The following RASGRP1 variants were observed in gnomAD, a reference collection of about 807,000 sequenced individuals.
RASGRP1 encodes the protein RAS guanyl releasing protein 1, also known as RAS guanyl-releasing protein 1.
In RASGRP1, 37 loss-of-function variants were observed where a neutral mutation model predicts 95.1. That is an observed-to-expected ratio of 0.39 (90% CI 0.30 to 0.51). The LOEUF is 0.51. Ranked by LOEUF, RASGRP1 falls within the 20% of genes least tolerant of loss-of-function variation. The pLI is 0.80. For synonymous variants in RASGRP1, 325 were observed against 353.4 expected (o/e 0.92, Z 0.90); for missense variants, 711 against 965.4 (o/e 0.74, Z 3.49).
At chr15:38,559,769 C>A (rs754482334) in intron 2 of RASGRP1, 52 bp downstream of exon 2, 7 of 1,537,188 alleles carry the variant, frequency 4.6e-6, no homozygotes, top group Non-Finnish European at 6.2e-6. Context: ...TTTTAAAGGA[C>A]GAACAAAGTA....
intron 9 of RASGRP1, among the ~76,000 whole-genome samples, 164 bp downstream of exon 9, chr15:38,507,562 T>C (rs918859699): frequency 2.0e-5 from 3 of 152,190 alleles, no homozygotes; most frequent in Non-Finnish European, 4.4e-5. Context: ...CCTGGCAAGG[T>C]ATATCTTTGT....
chr15:38,526,163 C>T (rs1892212008), intron 3 of RASGRP1, 136 bp downstream of exon 3: 1 of 692,318 alleles, frequency 1.4e-6, no homozygotes, highest in Non-Finnish European at 2.6e-6. Flanking sequence ...GCACCCATAC[C>T]CCTGAAAGGA....
intron 2 of RASGRP1, among the ~76,000 whole-genome samples, chr15:38,547,732 C>T (rs372107472): frequency 1.9e-4 from 29 of 151,462 alleles, no homozygotes; most frequent in African/African-American, 6.6e-4. Flanking sequence ...AAATGGCAGA[C>T]TCAGTGACTC....
chr15:38,562,425 T>A (rs1374220281), intron 1 of RASGRP1, among the ~76,000 whole-genome samples: 1 of 152,170 alleles, frequency 6.6e-6, no homozygotes, highest in African/African-American at 2.4e-5. Flanking sequence ...CAGCCCCTTG[T>A]GGCCCATGCA....
rs1890443731 is a variant in RASGRP1 at position 38,488,527 on chromosome 15, A to G, written c.*2027T>C. On this transcript the variant is annotated 3_prime_UTR_variant, in exon 17 of 17. Coordinates refer to ENST00000310803, the MANE Select transcript of RASGRP1 (RefSeq NM_005739.4). ...ACCTGTGACTAAACTATTTCCTCTTATCCATTTCAGTGATAAATTCTGCAG... is the reference window on the plus strand; with the variant it reads ...ACCTGTGACTAAACTATTTCCTCTTGTCCATTTCAGTGATAAATTCTGCAG... The G allele has an allele frequency of 6.6e-6, 1 of 151,500 alleles. No homozygotes were observed. The highest frequency in any genetic ancestry group is 2.4e-5 in the African/African-American group (1 of 41,244). The allele number at this position is 151,500 out of a possible 1,614,324, so 9.4% of individuals were successfully genotyped here.
chr15:38,501,304 A>G lies in RASGRP1; in HGVS notation c.1539-17T>C. On this transcript the variant is annotated splice_polypyrimidine_tract_variant and intron_variant, in intron 12 of 16. Coordinates refer to ENST00000310803, the MANE Select transcript of RASGRP1 (RefSeq NM_005739.4). Reference sequence around the variant, plus strand: ...AGGCCTTCCCTGCCGGCAGATGACCAAGGCAAGGATGTGAGTATAAGGGGC... The same window carrying G: ...AGGCCTTCCCTGCCGGCAGATGACCGAGGCAAGGATGTGAGTATAAGGGGC... 2 of 1,613,076 alleles carry G rather than the reference A, an allele frequency of 1.2e-6. No homozygotes were observed. The highest frequency in any genetic ancestry group is 1.7e-6 in the Non-Finnish European group (2 of 1,179,218).
intron 2 of RASGRP1, among the ~76,000 whole-genome samples, chr15:38,550,515 A>G (rs1396374305): frequency 6.6e-6 from 1 of 152,128 alleles, no homozygotes; most frequent in Non-Finnish European, 1.5e-5. Context: ...TTAATTCCTC[A>G]TTACCATCAT....
At position 38,526,386 on chromosome 15, in the gene RASGRP1, C is replaced by T. The variant is rs369162228; in HGVS notation, c.239G>A (p.Cys80Tyr). 5.1e-5 allele frequency: 83 copies of T among 1,613,018 alleles called. 1 individual carries two copies. In the South Asian group the frequency reaches 7.4e-4, roughly 14 times the overall value. The change falls in exon 3 of 17, where the codon TGT becomes TAT. Residue 80 changes from cysteine (C) to tyrosine (Y), a missense_variant. Cys to Tyr is a radical substitution (Grantham distance 194). This residue lies in a region of RASGRP1 where 491 missense variants were observed against 676.6 expected (regional missense o/e 0.73). Transcript: ENST00000310803. ...IQSFDADGNL[C>Y]RSNQLLQVML... is the part of the protein sequence containing the mutation. ...GACTTGCAACAGTTGGTTACTTCGA[C>T]ACAGGTTTCCATCTGCATCTGAAAA...
chr15:38,500,832 A>C (rs56235715), intron 13 of RASGRP1, among the ~76,000 whole-genome samples: 1,707 of 152,350 alleles, frequency 0.011, 20 homozygotes, highest in Non-Finnish European at 0.019. Context: ...TAAAGACAGA[A>C]GGTATCTCAT....
At chr15:38,526,867 C>A (rs900722170) in intron 2 of RASGRP1, among the ~76,000 whole-genome samples, 1 of 152,084 alleles carries the variant, frequency 6.6e-6, no homozygotes. Context: ...TTTCTAGGGC[C>A]GTCCCATGGC....
chr15:38,548,415 C>T (rs1051103147), intron 2 of RASGRP1, among the ~76,000 whole-genome samples: 26 of 151,994 alleles, frequency 1.7e-4, no homozygotes, highest in African/African-American at 6.3e-4. Flanking sequence ...AATACGCATA[C>T]ACACACAAAT....
intron 2 of RASGRP1, among the ~76,000 whole-genome samples, chr15:38,555,771 G>A (rs1319018182): frequency 6.6e-6 from 1 of 152,202 alleles, no homozygotes. Context: ...ATATTAGGAA[G>A]CATTTCCCTT....
At position 38,501,293 on chromosome 15, in the gene RASGRP1, G is replaced by A. The variant is rs767083656; in HGVS notation, c.1539-6C>T. The A allele has an allele frequency of 5.6e-6, 9 of 1,612,836 alleles. No individual in the cohort carries two copies. The highest frequency in any genetic ancestry group is 1.7e-5 in the Admixed American group (1 of 59,960). On this transcript the variant is annotated splice_polypyrimidine_tract_variant and splice_region_variant and intron_variant, in intron 12 of 16. Coordinates refer to ENST00000310803, the MANE Select transcript of RASGRP1 (RefSeq NM_005739.4). ...CCCTGCTGATGAGGCCTTCCCTGCC[G>A]GCAGATGACCAAGGCAAGGATGTGA...
chr15:38,524,966 CTTTCT>C (rs1225762427), intron 3 of RASGRP1, among the ~76,000 whole-genome samples: 3 of 120,340 alleles, frequency 2.5e-5, no homozygotes, highest in Non-Finnish European at 3.5e-5. Context: ...GTACAATTTT[CTTTCT>C]TTTTTTTTTT....
intron 16 of RASGRP1, among the ~76,000 whole-genome samples, chr15:38,491,452 A>T (rs1414979996): frequency 6.6e-6 from 1 of 152,232 alleles, no homozygotes. Context: ...TAGGTTGTAT[A>T]CCTCAATCTT....
intron 2 of RASGRP1, among the ~76,000 whole-genome samples, chr15:38,526,797 T>C (rs1047315972): frequency 6.6e-6 from 1 of 152,072 alleles, no homozygotes; most frequent in Admixed American, 6.5e-5. Flanking sequence ...TTTTAATAGA[T>C]TGCAGTTAAA....
chr15:38,493,221 A>C (rs62003581), intron 16 of RASGRP1, among the ~76,000 whole-genome samples: 1,588 of 119,680 alleles, frequency 0.013, 20 homozygotes, highest in Admixed American at 0.021. Context: ...TCTGTTGCCT[A>C]GGCTAGAGTG....
chr15:38,536,659 G>C (rs1319925444), intron 2 of RASGRP1, among the ~76,000 whole-genome samples: 2 of 152,206 alleles, frequency 1.3e-5, no homozygotes, highest in African/African-American at 2.4e-5. Context: ...CTAGATAATA[G>C]ATAACCTCAT....
At chr15:38,497,300 C>G (rs746032981) in intron 15 of RASGRP1, among the ~76,000 whole-genome samples, 9 of 152,162 alleles carry the variant, frequency 5.9e-5, no homozygotes, top group Non-Finnish European at 1.2e-4. Context: ...AATAGCTCCT[C>G]ATTTTATCAT....
Sources: allele counts gnomAD v4.1 joint callset (sites outside exome capture counted in the v4.1 genomes callset), GRCh38; gene constraint gnomAD v4.1.1; regional missense constraint gnomAD v4.1.1; transcripts MANE v1.5; gene names NCBI Gene and HGNC (gene_info 2026-07-23, HGNC 2026-07-21).